The following CHSY1 variants were observed in gnomAD, a reference collection of about 807,000 sequenced individuals.
CHSY1 encodes N-acetylgalactosaminyl-proteoglycan 3-beta-glucuronosyltransferase 1.
In CHSY1, 13 loss-of-function variants were observed where a neutral mutation model predicts 59.8. The ratio of observed to expected loss-of-function variants is 0.22; its 90% confidence interval spans 0.14 to 0.35. The LOEUF (loss-of-function observed/expected upper bound fraction) is 0.35, where lower values mean the gene tolerates loss of function less well. CHSY1 is among the 10% of genes least tolerant of loss of function. The probability of loss-of-function intolerance (pLI) is 1.00; values close to 1 mark genes in which losing one functional copy is unlikely to be tolerated. For synonymous variants in CHSY1, 459 were observed against 401.2 expected, an observed-to-expected ratio of 1.14 and a Z score of -1.72; for missense variants, 947 against 1,030.6, an observed-to-expected ratio of 0.92 and a Z score of 1.11.
rs1472164335 is a variant in CHSY1, at chr15:101,232,773, G to A, written c.816+2309C>T. On this transcript the variant is annotated intron_variant, in intron 2 of 2. Transcript: ENST00000254190. ...TAAGACAACATTTCAGCAGAAATACGGGCCAAGACTACGAACAGGCAAGGC... is the reference window on the plus strand; with the variant it reads ...TAAGACAACATTTCAGCAGAAATACAGGCCAAGACTACGAACAGGCAAGGC... Among the ~76,000 whole-genome samples, 9 of 152,316 alleles carry A rather than the reference G, an allele frequency of 5.9e-5. No individual in the cohort carries two copies. In the South Asian group the frequency reaches 1.7e-3, roughly 28 times the overall value.
chr15:101,195,836 A>AC (rs1478005486), intron 2 of CHSY1, among the ~76,000 whole-genome samples: 31 of 151,962 alleles, frequency 2.0e-4, no homozygotes, highest in African/African-American at 6.8e-4. Flanking sequence ...AAAAAAAAAA[A>AC]AAAACCCTGT....
chr15:101,216,169 A>T (rs1227584810), intron 2 of CHSY1, among the ~76,000 whole-genome samples: 4 of 140,830 alleles, frequency 2.8e-5, no homozygotes, highest in Admixed American at 1.8e-4. Context: ...GGCATTAAAA[A>T]CCTCTTCCTA....
chr15:101,204,460 AATAATAATAATG>A (rs1430589167), intron 2 of CHSY1, among the ~76,000 whole-genome samples: 1 of 150,084 alleles, frequency 6.7e-6, no homozygotes, highest in Non-Finnish European at 1.5e-5. Flanking sequence ...TAATAATAAT[AATAATAATAATG>A]TACACTTATA....
At chr15:101,250,940 T>C (rs2039102455) in intron 1 of CHSY1, among the ~76,000 whole-genome samples, 197 bp downstream of exon 1, 1 of 152,130 alleles carries the variant, frequency 6.6e-6, no homozygotes, top group African/African-American at 2.4e-5. Context: ...AAGGCCATGT[T>C]CCTGAGCGCC....
At chr15:101,179,424 G>C (rs1045393121) in intron 2 of CHSY1, among the ~76,000 whole-genome samples, 2 of 152,196 alleles carry the variant, frequency 1.3e-5, no homozygotes, top group African/African-American at 2.4e-5. Flanking sequence ...AGAGCCAGAA[G>C]AACTCCAGGC....
At chr15:101,206,248 G>A (rs950888908) in intron 2 of CHSY1, among the ~76,000 whole-genome samples, 6 of 152,196 alleles carry the variant, frequency 3.9e-5, no homozygotes, top group Non-Finnish European at 5.9e-5. Context: ...TGCCTCGTGC[G>A]CCACGGAGTG....
At chr15:101,200,146 A>G (rs1323618127) in intron 2 of CHSY1, among the ~76,000 whole-genome samples, 1 of 152,248 alleles carries the variant, frequency 6.6e-6, no homozygotes, top group East Asian at 1.9e-4. Flanking sequence ...CTAAGATGAC[A>G]TTCTAGGTTG....
intron 2 of CHSY1, among the ~76,000 whole-genome samples, chr15:101,232,086 T>G: frequency 6.6e-6 from 1 of 152,260 alleles, no homozygotes; most frequent in East Asian, 1.9e-4. Flanking sequence ...TAGACTTTGA[T>G]TTTGACAGTT....
intron 2 of CHSY1, among the ~76,000 whole-genome samples, chr15:101,199,731 T>C (rs1041629695): frequency 1.3e-5 from 2 of 152,158 alleles, no homozygotes; most frequent in East Asian, 1.9e-4. Context: ...AACCTGGAAG[T>C]GGCAATGCTG....
rs576928142 is a variant in CHSY1, at chr15:101,187,572, A to G, written c.817-8592T>C. The G allele has an allele frequency of 2.0e-5, 3 of 152,376 alleles. No homozygotes were observed. The East Asian group carries it at 5.8e-4, about 29-fold the overall frequency. 9.4% of individuals were successfully genotyped at this position (152,376 alleles called of 1,614,324 possible). Reference sequence around the variant, plus strand: ...GTTTAAGAGGATTTTATTATAAGGTATTTCAATAATCTATAATTTGGCACA... The same window carrying G: ...GTTTAAGAGGATTTTATTATAAGGTGTTTCAATAATCTATAATTTGGCACA... On this transcript the variant is annotated intron_variant, in intron 2 of 2. Transcript: ENST00000254190.
At chr15:101,195,175 C>T (rs1168395033) in intron 2 of CHSY1, among the ~76,000 whole-genome samples, 2 of 152,092 alleles carry the variant, frequency 1.3e-5, no homozygotes, top group African/African-American at 4.8e-5. Context: ...ACTCATAATC[C>T]TACTCTGACA....
chr15:101,196,246 AC>A (rs1187934898), intron 2 of CHSY1, among the ~76,000 whole-genome samples: 120 of 151,020 alleles, frequency 7.9e-4, no homozygotes, highest in South Asian at 1.9e-3. Flanking sequence ...AAAAAAAAAA[AC>A]ATATATGTAA....
At chr15:101,238,904 C>T (rs2038973848) in intron 1 of CHSY1, among the ~76,000 whole-genome samples, 2 of 152,106 alleles carry the variant, frequency 1.3e-5, no homozygotes, top group Non-Finnish European at 2.9e-5. Context: ...AAACCAATCC[C>T]ACCTACAAAG....
intron 2 of CHSY1, among the ~76,000 whole-genome samples, chr15:101,213,339 C>T (rs948296453): frequency 4.3e-5 from 6 of 140,368 alleles, no homozygotes; most frequent in South Asian, 2.2e-4. Context: ...TTTAAAAAGT[C>T]AAAACTGCGT....
At chr15:101,243,842 G>A (rs1269331720) in intron 1 of CHSY1, among the ~76,000 whole-genome samples, 10 of 152,198 alleles carry the variant, frequency 6.6e-5, no homozygotes, top group East Asian at 1.9e-4. Context: ...ATCCGTGTGC[G>A]CCTCTAAATT....
At chr15:101,249,458 C>T (rs1374453130) in intron 1 of CHSY1, among the ~76,000 whole-genome samples, 1 of 148,062 alleles carries the variant, frequency 6.8e-6, no homozygotes, top group African/African-American at 2.5e-5. Context: ...TAGGCTGGTT[C>T]CCAAATCACT....
chr15:101,249,500 G>C (rs1297840345), intron 1 of CHSY1, among the ~76,000 whole-genome samples: 1 of 145,172 alleles, frequency 6.9e-6, no homozygotes, highest in Non-Finnish European at 1.5e-5. Context: ...TCTATCGATC[G>C]ATAGATAGAA....
At chr15:101,184,470 T>C (rs999221923) in intron 2 of CHSY1, among the ~76,000 whole-genome samples, 17 of 151,614 alleles carry the variant, frequency 1.1e-4, no homozygotes, top group Non-Finnish European at 2.1e-4. Flanking sequence ...AACCTCCACC[T>C]CCCAGGGAGC....
chr15:101,221,544 C>CAGAT (rs955742072), intron 2 of CHSY1, among the ~76,000 whole-genome samples: 4 of 152,146 alleles, frequency 2.6e-5, no homozygotes, highest in African/African-American at 9.7e-5. Flanking sequence ...CTGGGATATT[C>CAGAT]AATATCCATG....
Sources: gnomAD v4.1 joint callset for allele counts (sites outside exome capture counted in the v4.1 genomes callset) on GRCh38, gnomAD v4.1.1 for gene constraint, MANE v1.5 for transcripts, NCBI Gene and HGNC (gene_info 2026-07-23, HGNC 2026-07-21) for gene names.